Variants in CRACD observed in about 807,000 individuals in gnomAD.
The protein encoded by CRACD is capping protein-inhibiting regulator of actin dynamics.
CRACD carries 56 observed loss-of-function variants against 106.8 expected under a neutral mutation model. The ratio of observed to expected loss-of-function variants is 0.52; its 90% CI spans 0.42 to 0.66. The LOEUF is 0.66. CRACD is among the 30% of genes least tolerant of loss of function. The probability of loss-of-function intolerance (pLI) is 0.00; values close to 1 mark genes in which losing one functional copy is unlikely to be tolerated. For synonymous variants in CRACD, 754 were observed against 670.8 expected (o/e 1.12, Z -1.92); for missense variants, 1,730 against 1,623.2 (o/e 1.07, Z -1.13).
Position 56,315,401 on chromosome 4 carries a change from A to C in CRACD, c.1899A>C (p.Pro633=), listed in dbSNP as rs1184192405. The C allele has an allele frequency of 6.2e-7, 1 of 1,612,994 alleles. No homozygotes were observed. The highest frequency in any genetic ancestry group is 8.5e-7 in the Non-Finnish European group (1 of 1,179,732). ...AGGAGAAGAAGCACGCGGAAGCCCC[A>C]GCTGGGGAGAACCCTCCCCGAGGCC... ...GLEEKKHAEA[P]AGENPPRGPG... The change falls in exon 8 of 11, where the codon CCA becomes CCC. Residue 633 remains proline (P), a synonymous_variant. Coordinates refer to ENST00000682029, the MANE Select transcript of CRACD (RefSeq NM_001393381.1). The surrounding 1 kb of genome is among the most constrained non-coding windows in gnomAD (Gnocchi z 4.1).
At chr4:56,180,803 G>C (rs942204956) in intron 2 of CRACD, among the ~76,000 whole-genome samples, 4 of 152,148 alleles carry the variant, frequency 2.6e-5, no homozygotes, top group Admixed American at 2.6e-4. Context: ...TACCTCTACC[G>C]TGAGAGTTCT....
chr4:56,319,016 C>A (rs779303001), intron 8 of CRACD, among the ~76,000 whole-genome samples: 2 of 152,110 alleles, frequency 1.3e-5, no homozygotes, highest in Non-Finnish European at 2.9e-5. Flanking sequence ...CTGTTATTTT[C>A]TCTTACTCGT....
intron 2 of CRACD, among the ~76,000 whole-genome samples, chr4:56,189,555 C>G (rs1340870896): frequency 9.6e-6 from 1 of 104,004 alleles, no homozygotes; most frequent in Non-Finnish European, 1.9e-5. Context: ...CCCCTCCCCC[C>G]ACCCCACAAC....
At position 56,298,275 on chromosome 4, in the gene CRACD, G is replaced by A. The variant is rs202033143; in HGVS notation, c.46G>A (p.Gly16Arg). Reference sequence around the variant, plus strand: ...CCATGACAGTATTTTTATCCCTGATGGGGGAGCAGAAAGTGAGCAGACAGT... The same window carrying A: ...CCATGACAGTATTTTTATCCCTGATAGGGGAGCAGAAAGTGAGCAGACAGT... ...FSHDSIFIPDGGAESEQTVQA... is the reference protein window; with the variant it reads ...FSHDSIFIPDRGAESEQTVQA... Residue 16 changes from glycine to arginine, a missense_variant, in exon 4 of 11, where the codon GGG becomes AGG. This residue lies in a region of CRACD where 1,620 missense variants were observed against 1,481.6 expected (regional missense o/e 1.09). Coordinates refer to ENST00000682029, the MANE Select transcript of CRACD (RefSeq NM_001393381.1). The A allele has an allele frequency of 8.3e-4, 1,332 of 1,614,010 alleles. 1 individual carries two copies. The highest frequency in any genetic ancestry group is 1.1e-3 in the Non-Finnish European group (1,266 of 1,179,996).
At chr4:56,172,375 TTC>T (rs2109918505) in intron 1 of CRACD, among the ~76,000 whole-genome samples, 1 of 152,334 alleles carries the variant, frequency 6.6e-6, no homozygotes, top group South Asian at 2.1e-4. Context: ...CAGCTGTATT[TTC>T]TCTGTTACAA....
In CRACD at chr4:56,129,361, C is replaced by A. The variant is rs550625891; in HGVS notation, c.-335-49923C>A. Among the ~76,000 whole-genome samples, 7 of 152,308 alleles carry A rather than the reference C, an allele frequency of 4.6e-5. No homozygotes were observed. The South Asian group carries it at 1.4e-3, about 32-fold the overall frequency. On this transcript the variant is annotated intron_variant, in intron 1 of 10. Transcript: ENST00000682029. ...GGGATTACGGGTATGAGCCCCACAC[C>A]GGCCAAAATTTTTTCTTGTAATTTT...
intron 2 of CRACD, among the ~76,000 whole-genome samples, chr4:56,181,456 G>A (rs1275739632): frequency 6.6e-6 from 1 of 152,142 alleles, no homozygotes; most frequent in Non-Finnish European, 1.5e-5. Flanking sequence ...TTCTTCTGCA[G>A]TTAAAGAACA....
At chr4:56,068,142 T>TG (rs1398652807) in intron 1 of CRACD, among the ~76,000 whole-genome samples, 5 of 152,020 alleles carry the variant, frequency 3.3e-5, no homozygotes, top group Admixed American at 3.3e-4. Flanking sequence ...ATGGTGGTGG[T>TG]GGTGGCTTTG....
chr4:56,119,531 C>T (rs1229649761), intron 1 of CRACD, among the ~76,000 whole-genome samples: 1 of 151,604 alleles, frequency 6.6e-6, no homozygotes, highest in African/African-American at 2.4e-5. Context: ...GATGATGTCT[C>T]GTCATGTTTT....
chr4:56,161,837 C>T (rs1361643412), intron 1 of CRACD, among the ~76,000 whole-genome samples: 1 of 151,134 alleles, frequency 6.6e-6, no homozygotes, highest in Non-Finnish European at 1.5e-5. Flanking sequence ...GATCTCGGCT[C>T]ACTGCAACCT....
At chr4:56,151,141 C>T (rs1735567927) in intron 1 of CRACD, among the ~76,000 whole-genome samples, 1 of 152,100 alleles carries the variant, frequency 6.6e-6, no homozygotes, top group Non-Finnish European at 1.5e-5. Context: ...GGACAAAAGG[C>T]GCATGCCACC....
At chr4:56,089,544 G>A (rs1016378602) in intron 1 of CRACD, among the ~76,000 whole-genome samples, 35 of 142,220 alleles carry the variant, frequency 2.5e-4, no homozygotes, top group African/African-American at 8.8e-4. Context: ...ACGGAGTTTC[G>A]GTCTTGTTGC....
chr4:56,206,146 T>C (rs1738113144), intron 2 of CRACD, among the ~76,000 whole-genome samples: 1 of 152,230 alleles, frequency 6.6e-6, no homozygotes, highest in African/African-American at 2.4e-5. Context: ...AATGAATTAA[T>C]ATGTGCCCGT....
At chr4:56,213,915 A>G (rs1162407685) in intron 2 of CRACD, among the ~76,000 whole-genome samples, 3 of 152,228 alleles carry the variant, frequency 2.0e-5, no homozygotes, top group Non-Finnish European at 2.9e-5. Context: ...CAACTGAAAT[A>G]CGTTTTTAGG....
chr4:56,280,450 C>T (rs1314522796), intron 3 of CRACD, among the ~76,000 whole-genome samples: 2 of 152,166 alleles, frequency 1.3e-5, no homozygotes, highest in Non-Finnish European at 2.9e-5. Flanking sequence ...ACAAATGTGC[C>T]TTCCTTAGGA....
At chr4:56,074,897 G>A (rs532474508) in intron 1 of CRACD, among the ~76,000 whole-genome samples, 20 of 152,200 alleles carry the variant, frequency 1.3e-4, no homozygotes, top group African/African-American at 4.8e-4. Flanking sequence ...TAGCATGAAG[G>A]GGTATTGAAT....
At position 56,324,146 on chromosome 4, in the gene CRACD, G is replaced by A; in HGVS notation, c.3421G>A (p.Ala1141Thr). The A allele has an allele frequency of 6.2e-7, 1 of 1,614,190 alleles. No individual in the cohort carries two copies. ...GCCTGGAAGCAGCAGTGTCAGCAGA[G>A]CAGGTTCCCTGCACAAGTCCACTGC... ...VQPGSSSVSR[A>T]GSLHKSTALP... Residue 1141 changes from alanine to threonine, a missense_variant, in exon 10 of 11, where the codon GCA (alanine) becomes ACA (threonine). By Grantham distance (58) the Ala-to-Thr change is moderately conservative (BLOSUM62 0). Around this residue, in one of 5 missense-constraint regions of CRACD, gnomAD observed 89 missense variants for 89.6 expected, o/e 0.99. Coordinates refer to ENST00000682029, the MANE Select transcript of CRACD (RefSeq NM_001393381.1).
chr4:56,237,986 T>C (rs906028330), intron 2 of CRACD, among the ~76,000 whole-genome samples: 18 of 149,844 alleles, frequency 1.2e-4, no homozygotes, highest in Admixed American at 3.4e-4. Flanking sequence ...ACAAACTACC[T>C]CTGAACTAAT....
Position 56,314,499 on chromosome 4 carries a change from C to A in CRACD, c.997C>A (p.Arg333=). The A allele has an allele frequency of 2.0e-6, 3 of 1,517,972 alleles. No homozygotes were observed. Among genetic ancestry groups the A allele is most frequent in the South Asian group, 1.3e-5 (1 of 79,684 alleles). 94.0% of individuals were successfully genotyped at this position (1,517,972 alleles called of 1,614,324 possible). ...LQAQAQAEER[R]RLEEDARLEE... The stretch of plus-strand genomic sequence containing the variant: ...GGCCCAGGCCCAAGCGGAGGAGAGG[C>A]GGCGGCTGGAGGAGGACGCCAGGCT... The change falls in exon 8 of 11, where the codon CGG becomes AGG. Residue 333 remains arginine (R), a synonymous_variant. Coordinates refer to ENST00000682029, the MANE Select transcript of CRACD (RefSeq NM_001393381.1). The surrounding 1 kb of genome is among the most constrained non-coding windows in gnomAD (Gnocchi z 4.4).
Sources: gnomAD v4.1 joint callset for allele counts (sites outside exome capture counted in the v4.1 genomes callset) on GRCh38, gnomAD v4.1.1 for gene constraint, gnomAD v4.1.1 regional missense constraint, Gnocchi (gnomAD v3.1) non-coding constraint, MANE v1.5 for transcripts, NCBI Gene and HGNC (gene_info 2026-07-23, HGNC 2026-07-21) for gene names.